The following IGSF5 variants were observed in gnomAD, a reference collection of about 807,000 sequenced individuals.
IGSF5 encodes immunoglobulin superfamily member 5, also known as immunoglobulin superfamily 5 like.
A neutral mutation model predicts 39.4 loss-of-function variants in IGSF5; 41 were observed. That is an observed-to-expected ratio of 1.04 (90% confidence interval 0.81 to 1.35). The LOEUF (loss-of-function observed/expected upper bound fraction) is 1.35, where lower values mean the gene tolerates loss of function less well. Among genes scored for constraint, IGSF5 ranks in the 40% most tolerant of loss-of-function variants. The pLI, the probability that IGSF5 is intolerant of heterozygous loss-of-function variation, is 0.00. For synonymous variants in IGSF5, 183 were observed against 175.3 expected (o/e 1.04, Z -0.34); for missense variants, 487 against 494.6 (o/e 0.98, Z 0.15).
intron 2 of IGSF5, among the ~76,000 whole-genome samples, chr21:39,758,482 A>T (rs559084604): frequency 8.5e-5 from 13 of 152,206 alleles, no homozygotes; most frequent in African/African-American, 3.1e-4. Flanking sequence ...TTCGAGGAAG[A>T]CCTGACTCAG....
At position 39,779,316 on chromosome 21, in the gene IGSF5, T is replaced by G. The variant is rs779799102; in HGVS notation, c.934+11T>G. 9.9e-6 allele frequency: 16 copies of G among 1,610,320 alleles called. No homozygotes were observed. In the South Asian group the frequency reaches 1.6e-4, roughly 17 times the overall value. On this transcript the variant is annotated intron_variant, in intron 5 of 8. Transcript: ENST00000380588. ...GTAGAAGAAAAAGAGGTAATTTTTT[T>G]GTTCATTTACATTTGTACATACTTC...
At chr21:39,785,015 T>A (rs2080191731) in intron 5 of IGSF5, among the ~76,000 whole-genome samples, 1 of 150,520 alleles carries the variant, frequency 6.6e-6, no homozygotes, top group South Asian at 2.1e-4. Context: ...TATTTAGCTA[T>A]CAGAAATACA....
At chr21:39,725,465 C>A in the IGSF5 span, among the ~76,000 whole-genome samples, 1 of 152,188 alleles carries the variant, frequency 6.6e-6, no homozygotes, top group African/African-American at 2.4e-5. Flanking sequence ...TTGAAAGCAG[C>A]AGGGCCTCTT....
intron 2 of IGSF5, among the ~76,000 whole-genome samples, chr21:39,758,130 G>A (rs1394120817): frequency 6.6e-6 from 1 of 152,144 alleles, no homozygotes; most frequent in South Asian, 2.1e-4. Flanking sequence ...TGGCACGTAG[G>A]GATCGCCTGA....
chr21:39,729,072 C>T, the IGSF5 span: 1 of 152,298 alleles, frequency 6.6e-6, no homozygotes, highest in East Asian at 1.9e-4. Flanking sequence ...GGTTTGGCTG[C>T]TGTGACAAAG....
chr21:39,787,473 T>C (rs752732414), intron 5 of IGSF5, among the ~76,000 whole-genome samples: 1 of 150,918 alleles, frequency 6.6e-6, no homozygotes, highest in African/African-American at 2.4e-5. Flanking sequence ...GGCTTTTTAC[T>C]CCCCACCTTC....
At chr21:39,778,318 G>T (rs532972430) in intron 4 of IGSF5, among the ~76,000 whole-genome samples, 1 of 152,244 alleles carries the variant, frequency 6.6e-6, no homozygotes, top group Non-Finnish European at 1.5e-5. Context: ...GAATTTGGAT[G>T]ATCATGTGAA....
Position 39,801,770 on chromosome 21 carries a change from A to G in IGSF5, c.*413A>G, listed in dbSNP as rs2087031100. The G allele has an allele frequency of 6.5e-6, 1 of 154,648 alleles. No homozygotes were observed. Among genetic ancestry groups the G allele is most frequent in the African/African-American group, 2.4e-5 (1 of 41,534 alleles). The allele number at this position is 154,648 out of a possible 1,614,324, so 9.6% of individuals were successfully genotyped here. ...ATTTAATATGTAGGGGTATTATTAC[A>G]TATTATCAGTGAAATACGAGTATAA... On this transcript the variant is annotated 3_prime_UTR_variant, in exon 9 of 9. Coordinates refer to ENST00000380588, the MANE Select transcript of IGSF5 (RefSeq NM_001080444.2).
chr21:39,757,007 C>A (rs1480629400), intron 2 of IGSF5, among the ~76,000 whole-genome samples: 5 of 151,454 alleles, frequency 3.3e-5, no homozygotes, highest in East Asian at 2.0e-4. Context: ...TGCCACAGAG[C>A]CTTCTCTGCA....
chr21:39,780,670 C>A (rs1341617020), intron 5 of IGSF5, among the ~76,000 whole-genome samples: 1 of 152,128 alleles, frequency 6.6e-6, no homozygotes, highest in African/African-American at 2.4e-5. Flanking sequence ...GAATGAAATT[C>A]TCTGAGATAC....
chr21:39,781,024 G>A (rs2080167313), intron 5 of IGSF5, among the ~76,000 whole-genome samples: 1 of 152,168 alleles, frequency 6.6e-6, no homozygotes, highest in Non-Finnish European at 1.5e-5. Flanking sequence ...CTTAGTGTGT[G>A]TGTGCCAGGC....
intron 6 of IGSF5, among the ~76,000 whole-genome samples, chr21:39,790,374 C>T (rs1234918207): frequency 1.3e-5 from 2 of 152,156 alleles, no homozygotes; most frequent in Admixed American, 6.5e-5. Flanking sequence ...AACACTACTG[C>T]TCTGGCCAGG....
At chr21:39,747,226 G>A (rs576207144) in intron 2 of IGSF5, among the ~76,000 whole-genome samples, 100 of 152,312 alleles carry the variant, frequency 6.6e-4, no homozygotes, top group African/African-American at 2.3e-3. Context: ...AGCAGCAAGA[G>A]CGAATCAGAG....
rs1555941422 is a variant in IGSF5 at position 39,757,048 on chromosome 21, C to CT, written c.101-8487_101-8486insT. On this transcript the variant is annotated intron_variant, in intron 2 of 8. Coordinates refer to ENST00000380588, the MANE Select transcript of IGSF5 (RefSeq NM_001080444.2). ...TCAAGCACAGCAGGCACAGTCCCCC[C>CT]GAGAGCCTTAGTACCTGCTCTTTCC... is the stretch of plus-strand genomic sequence containing the variant. Among the ~76,000 whole-genome samples, 4 of 151,896 alleles carry CT rather than the reference C, an allele frequency of 2.6e-5. No individual in the cohort carries two copies. The East Asian group carries it at 5.8e-4, about 22-fold the overall frequency.
rs1457178179 is a variant in IGSF5 at position 39,801,363 on chromosome 21, C to G, written c.*6C>G. On this transcript the variant is annotated 3_prime_UTR_variant, in exon 9 of 9. Coordinates refer to ENST00000380588, the MANE Select transcript of IGSF5 (RefSeq NM_001080444.2). ...GTAATACAACTGTAGTATAGCAAAG[C>G]CTTCCCCAAGCTCCACTGAGCACTT... The G allele has an allele frequency of 8.7e-6, 14 of 1,601,366 alleles. No individual in the cohort carries two copies. The highest frequency in any genetic ancestry group is 1.2e-5 in the Non-Finnish European group (14 of 1,168,740).
chr21:39,742,661 A>C (rs551496247), upstream of IGSF5, among the ~76,000 whole-genome samples: 1 of 152,264 alleles, frequency 6.6e-6, no homozygotes, highest in South Asian at 2.1e-4. Context: ...AATCTTTTTT[A>C]AAGTGTCCTT....
chr21:39,734,659 A>G, the IGSF5 span, among the ~76,000 whole-genome samples: 1 of 151,874 alleles, frequency 6.6e-6, no homozygotes, highest in Non-Finnish European at 1.5e-5. Flanking sequence ...ATCCTTTTTG[A>G]TTCAGTGATG....
chr21:39,749,097 A>T (rs563931146), intron 2 of IGSF5, among the ~76,000 whole-genome samples: 1 of 152,368 alleles, frequency 6.6e-6, no homozygotes, highest in Non-Finnish European at 1.5e-5. Flanking sequence ...TAGCTGGCTC[A>T]TTAATAGAGT....
rs986400623 is a variant in IGSF5, at chr21:39,746,360, T to G, written c.100+62T>G. 1.4e-4 allele frequency: 92 copies of G among 679,534 alleles called. 1 individual carries two copies. The African/African-American group carries it at 1.5e-3, about 11-fold the overall frequency. 42.1% of individuals were successfully genotyped at this position (679,534 alleles called of 1,614,324 possible). On this transcript the variant is annotated intron_variant, in intron 2 of 8. Coordinates refer to ENST00000380588, the MANE Select transcript of IGSF5 (RefSeq NM_001080444.2). ...GACCAGAAGAGTGCAGTTGCAAGAT[T>G]TAATAGAGTGAAATAGAGTGAAAAC... is the stretch of plus-strand genomic sequence containing the variant.
Sources: gnomAD v4.1 joint callset for allele counts (sites outside exome capture counted in the v4.1 genomes callset) on GRCh38, gnomAD v4.1.1 for gene constraint, MANE v1.5 for transcripts, NCBI Gene and HGNC (gene_info 2026-07-23, HGNC 2026-07-21) for gene names.